Variants in GABRB1 observed in about 807,000 individuals in gnomAD.
GABRB1 encodes gamma-aminobutyric acid type A receptor subunit beta1.
In GABRB1, 17 loss-of-function variants were observed where a neutral mutation model predicts 51.6. That is an observed-to-expected ratio of 0.33 (90% confidence interval 0.23 to 0.49). The LOEUF is 0.49. Ranked by LOEUF, GABRB1 falls within the 20% of genes least tolerant of loss-of-function variation. The pLI is 0.99. For missense variants in GABRB1, 410 were observed against 600.6 expected (o/e 0.68, Z 3.32); for synonymous variants, 247 against 218.9 (o/e 1.13, Z -1.14).
chr4:47,388,556 C>T (rs1163056058), intron 5 of GABRB1, among the ~76,000 whole-genome samples: 1 of 152,116 alleles, frequency 6.6e-6, no homozygotes, highest in Admixed American at 6.5e-5. Context: ...GGGATACGTC[C>T]AAATCTGCTG....
chr4:47,406,055 G>T (rs1005382755), intron 7 of GABRB1, among the ~76,000 whole-genome samples: 1 of 152,112 alleles, frequency 6.6e-6, no homozygotes, highest in African/African-American at 2.4e-5. Flanking sequence ...AAATATCAAA[G>T]CAACAAGATT....
chr4:47,290,090 T>A (rs1449375263), intron 4 of GABRB1, among the ~76,000 whole-genome samples: 1 of 152,212 alleles, frequency 6.6e-6, no homozygotes, highest in Non-Finnish European at 1.5e-5. Context: ...AAACTTACTG[T>A]CTAGATTAGT....
intron 5 of GABRB1, among the ~76,000 whole-genome samples, chr4:47,376,803 C>T (rs1396976677): frequency 6.6e-6 from 1 of 152,156 alleles, no homozygotes; most frequent in Non-Finnish European, 1.5e-5. Flanking sequence ...TTCCAGCCTT[C>T]TTCCTCAACC....
chr4:47,126,212 C>T (rs1212451696), intron 3 of GABRB1, among the ~76,000 whole-genome samples: 1 of 151,928 alleles, frequency 6.6e-6, no homozygotes, highest in African/African-American at 2.4e-5. Flanking sequence ...TGCATAATCT[C>T]ACATATATGT....
At chr4:47,009,311 T>C (rs1487855808) in intron 1 of GABRB1, among the ~76,000 whole-genome samples, 1 of 151,710 alleles carries the variant, frequency 6.6e-6, no homozygotes. Flanking sequence ...ACATCACATT[T>C]ACCACACAAA....
chr4:47,111,553 A>G (rs1715210551), intron 3 of GABRB1, among the ~76,000 whole-genome samples: 1 of 152,140 alleles, frequency 6.6e-6, no homozygotes, highest in South Asian at 2.1e-4. Flanking sequence ...TGCGTGTCAA[A>G]AATACATCCT....
chr4:47,001,283 C>T (rs933468704), intron 1 of GABRB1, among the ~76,000 whole-genome samples: 18 of 151,996 alleles, frequency 1.2e-4, no homozygotes, highest in Non-Finnish European at 2.4e-4. Context: ...GCTGGGACTA[C>T]AGGCGCCCCC....
chr4:47,070,338 CT>C (rs958040040), intron 3 of GABRB1, among the ~76,000 whole-genome samples: 7 of 148,696 alleles, frequency 4.7e-5, no homozygotes, highest in South Asian at 2.1e-4. Context: ...GCCCAGCCTT[CT>C]TTTTTTTTGA....
At chr4:47,363,984 A>G (rs1726892189) in intron 5 of GABRB1, among the ~76,000 whole-genome samples, 1 of 152,228 alleles carries the variant, frequency 6.6e-6, no homozygotes, top group Admixed American at 6.5e-5. Context: ...GATCTCAACA[A>G]CAGTTCTAAG....
At chr4:47,184,652 C>G (rs567686901) in intron 4 of GABRB1, among the ~76,000 whole-genome samples, 1 of 151,938 alleles carries the variant, frequency 6.6e-6, no homozygotes, top group South Asian at 2.1e-4. Flanking sequence ...GAAGCCAATC[C>G]AGGATCAAGA....
intron 3 of GABRB1, among the ~76,000 whole-genome samples, chr4:47,095,879 A>C (rs941084553): frequency 2.0e-5 from 3 of 152,204 alleles, no homozygotes; most frequent in African/African-American, 7.2e-5. Context: ...TTAAACTTTT[A>C]TCTTGGGCAT....
At chr4:47,295,874 C>A (rs984911995) in intron 4 of GABRB1, among the ~76,000 whole-genome samples, 1 of 152,122 alleles carries the variant, frequency 6.6e-6, no homozygotes, top group Non-Finnish European at 1.5e-5. Context: ...TCGGGTTAAC[C>A]ACAATGGGAA....
chr4:47,403,820 A>G, intron 7 of GABRB1, 109 bp downstream of exon 7: 2 of 1,003,752 alleles, frequency 2.0e-6, no homozygotes, highest in Non-Finnish European at 2.9e-6. Flanking sequence ...AAAGAATTAG[A>G]TCATCTTACA....
intron 3 of GABRB1, among the ~76,000 whole-genome samples, chr4:47,144,890 A>G (rs1223482385): frequency 3.9e-5 from 6 of 151,976 alleles, no homozygotes; most frequent in Admixed American, 3.3e-4. Context: ...TAGTTAGATC[A>G]TGACCACGCA....
chr4:47,319,343 A>G (rs939191658), intron 4 of GABRB1, among the ~76,000 whole-genome samples: 1 of 152,074 alleles, frequency 6.6e-6, no homozygotes, highest in African/African-American at 2.4e-5. Flanking sequence ...CTGGGAGTTC[A>G]GTACCATGTT....
At chr4:47,141,168 G>C (rs1305937894) in intron 3 of GABRB1, among the ~76,000 whole-genome samples, 1 of 151,838 alleles carries the variant, frequency 6.6e-6, no homozygotes, top group Non-Finnish European at 1.5e-5. Context: ...CAGATAATAA[G>C]AGAGGCTAGG....
chr4:47,162,056 T>C (rs756289297), intron 4 of GABRB1, among the ~76,000 whole-genome samples: 6 of 152,062 alleles, frequency 3.9e-5, no homozygotes, highest in Admixed American at 6.6e-5. Flanking sequence ...CAATTGTTCT[T>C]GGCAAAATGA....
chr4:47,195,745 T>C (rs911856541), intron 4 of GABRB1, among the ~76,000 whole-genome samples: 33 of 152,222 alleles, frequency 2.2e-4, no homozygotes, highest in African/African-American at 7.7e-4. Context: ...ATTAAACACT[T>C]ATTAGGTTCC....
chr4:47,354,861 T>G (rs1186299005), intron 5 of GABRB1, among the ~76,000 whole-genome samples: 2 of 118,932 alleles, frequency 1.7e-5, no homozygotes, highest in Admixed American at 1.7e-4. Flanking sequence ...GTGGCAGGCT[T>G]TTTTTTTTAT....
Sources: gnomAD v4.1 joint callset for allele counts (sites outside exome capture counted in the v4.1 genomes callset) on GRCh38, gnomAD v4.1.1 for gene constraint, MANE v1.5 for transcripts, NCBI Gene and HGNC (gene_info 2026-07-23, HGNC 2026-07-21) for gene names.